NTM: variants seen among roughly 807,000 people sequenced by gnomAD.
The protein encoded by NTM is neurotrimin.
NTM carries 13 observed loss-of-function variants against 42.1 expected under a neutral mutation model. The ratio of observed to expected loss-of-function variants is 0.31; its 90% CI spans 0.20 to 0.49. The LOEUF (loss-of-function observed/expected upper bound fraction) is 0.49, where lower values mean the gene tolerates loss of function less well. NTM is among the 20% of genes least tolerant of loss of function. The probability of loss-of-function intolerance (pLI) is 0.99; values close to 1 mark genes in which losing one functional copy is unlikely to be tolerated. For synonymous variants in NTM, 187 were observed against 179.2 expected, an observed-to-expected ratio of 1.04 and a Z score of -0.35; for missense variants, 373 against 452.8, an observed-to-expected ratio of 0.82 and a Z score of 1.60.
At position 131,888,099 on chromosome 11, in the gene NTM, G is replaced by C. The variant is rs111372299; in HGVS notation, c.83-23465G>C. ...GTGGATAACCTGAAATTAGGACTTC[G>C]AGACCAGCCTGATTAATATGGTGAA... is the stretch of plus-strand genomic sequence containing the variant. On this transcript the variant is annotated intron_variant, in intron 1 of 8. Coordinates refer to ENST00000683400, the MANE Select transcript of NTM (RefSeq NM_001352005.2). Among the ~76,000 whole-genome samples the C allele has an allele frequency of 2.0e-5, 3 of 152,004 alleles. No homozygotes were observed. The South Asian group carries it at 6.2e-4, about 32-fold the overall frequency.
intron 7 of NTM, among the ~76,000 whole-genome samples, chr11:132,316,963 A>ATGAAGTTAG (rs1479472145): frequency 6.6e-6 from 1 of 152,222 alleles, no homozygotes; most frequent in Non-Finnish European, 1.5e-5. Context: ...AAACTTCTTG[A>ATGAAGTTAG]TGAAGTTAGA....
intron 2 of NTM, among the ~76,000 whole-genome samples, chr11:132,007,823 T>G (rs1401666275): frequency 6.6e-6 from 1 of 152,132 alleles, no homozygotes; most frequent in Non-Finnish European, 1.5e-5. Context: ...AAGCTTGCCT[T>G]TGTCCTGGGG....
chr11:131,715,865 T>G (rs553438956), intron 1 of NTM, among the ~76,000 whole-genome samples: 1 of 152,250 alleles, frequency 6.6e-6, no homozygotes, highest in African/African-American at 2.4e-5. Flanking sequence ...TATTCCACAG[T>G]ATGCATATAT....
At chr11:131,883,645 C>T (rs767903279) in intron 1 of NTM, among the ~76,000 whole-genome samples, 9 of 152,144 alleles carry the variant, frequency 5.9e-5, no homozygotes, top group Admixed American at 2.0e-4. Context: ...ACCCCCATAC[C>T]GTGCACATTC....
chr11:131,672,843 G>A (rs56996303), intron 1 of NTM, among the ~76,000 whole-genome samples: 1,472 of 131,222 alleles, frequency 0.011, 79 homozygotes, highest in African/African-American at 0.041. Context: ...CCACGGTGCC[G>A]GGGTGGGGGT....
At chr11:132,135,676 G>A (rs1036029251) in intron 2 of NTM, among the ~76,000 whole-genome samples, 6 of 152,214 alleles carry the variant, frequency 3.9e-5, no homozygotes, top group Non-Finnish European at 7.3e-5. Context: ...TGTGGAGGTG[G>A]GGGTGCAAAC....
At chr11:132,040,170 G>A (rs1321720107) in intron 2 of NTM, among the ~76,000 whole-genome samples, 1 of 152,042 alleles carries the variant, frequency 6.6e-6, no homozygotes, top group Non-Finnish European at 1.5e-5. Flanking sequence ...TCTGAGCTCA[G>A]GCAGAGTTCT....
At chr11:132,060,469 TGA>T (rs779619598) in intron 2 of NTM, among the ~76,000 whole-genome samples, 1 of 133,906 alleles carries the variant, frequency 7.5e-6, no homozygotes, top group Non-Finnish European at 1.8e-5. Context: ...AACATAGCAG[TGA>T]GAGAAACTGG....
Position 131,991,108 on chromosome 11 carries a change from A to G in NTM, c.167+79460A>G, listed in dbSNP as rs889141341. 2.6e-5 allele frequency among the ~76,000 whole-genome samples: 4 copies of G among 152,186 alleles called. No individual in the cohort carries two copies. The East Asian group carries it at 7.7e-4, about 29-fold the overall frequency. ...TAGTATGTACCATGGAGCAGATGCA[A>G]TGCCATTCTAACTACTGAGGAGCTT... is the stretch of plus-strand genomic sequence containing the variant. On this transcript the variant is annotated intron_variant, in intron 2 of 8. Coordinates refer to ENST00000683400, the MANE Select transcript of NTM (RefSeq NM_001352005.2).
At chr11:131,732,721 T>C (rs2658876) in intron 1 of NTM, among the ~76,000 whole-genome samples, 19,993 of 152,228 alleles carry the variant, frequency 0.13, 1,671 homozygotes, top group Middle Eastern at 0.22. Flanking sequence ...GTTTTATGTA[T>C]TCCTAGAGGG....
At chr11:131,531,195 G>A (rs2051223168) in intron 1 of NTM, among the ~76,000 whole-genome samples, 2 of 152,190 alleles carry the variant, frequency 1.3e-5, no homozygotes, top group Non-Finnish European at 2.9e-5. Flanking sequence ...AGATGCAATG[G>A]TGTGATTATG....
At chr11:132,202,179 A>G (rs1055240920) in intron 3 of NTM, among the ~76,000 whole-genome samples, 38 of 152,276 alleles carry the variant, frequency 2.5e-4, no homozygotes, top group African/African-American at 7.7e-4. Context: ...TGTGTCTGAC[A>G]TTCTCCATGA....
intron 1 of NTM, among the ~76,000 whole-genome samples, chr11:131,491,276 T>C (rs1434338443): frequency 6.6e-6 from 1 of 152,146 alleles, no homozygotes; most frequent in Non-Finnish European, 1.5e-5. Context: ...CTATAGGAAA[T>C]GGTAACATAA....
chr11:132,069,444 C>A (rs77717833), intron 2 of NTM, among the ~76,000 whole-genome samples: 7 of 109,954 alleles, frequency 6.4e-5, no homozygotes, highest in South Asian at 3.0e-4. Flanking sequence ...CGTCACACAG[C>A]CAAGTTAACA....
chr11:131,789,626 AAGAAGAAGAAAAGAAGAAG>A (rs2090442516), intron 1 of NTM, among the ~76,000 whole-genome samples: 5 of 90,056 alleles, frequency 5.6e-5, no homozygotes, highest in African/African-American at 2.3e-4. Context: ...GAAGAAGAAG[AAGAAGAAGAAAAGAAGAAG>A]AAGAAGAAGA....
intron 1 of NTM, among the ~76,000 whole-genome samples, chr11:131,648,229 G>A (rs2066017258): frequency 6.6e-6 from 1 of 152,154 alleles, no homozygotes; most frequent in Non-Finnish European, 1.5e-5. Context: ...TTGTGTGGAT[G>A]TACCATGTTT....
intron 1 of NTM, among the ~76,000 whole-genome samples, chr11:131,673,209 C>A (rs1451412551): frequency 6.6e-6 from 1 of 152,078 alleles, no homozygotes; most frequent in African/African-American, 2.4e-5. Flanking sequence ...ACCCCAGAAC[C>A]CTTGCTGTGT....
chr11:131,743,236 T>G (rs1419082980), intron 1 of NTM, among the ~76,000 whole-genome samples: 1 of 152,036 alleles, frequency 6.6e-6, no homozygotes, highest in Non-Finnish European at 1.5e-5. Context: ...TTAATGGTTT[T>G]TTTTTTTTCA....
chr11:131,651,164 T>C (rs2066430442), intron 1 of NTM, among the ~76,000 whole-genome samples: 1 of 152,224 alleles, frequency 6.6e-6, no homozygotes, highest in South Asian at 2.1e-4. Context: ...ATTAAGCTCC[T>C]CAAATATGCA....
Sources: allele counts gnomAD v4.1 joint callset (sites outside exome capture counted in the v4.1 genomes callset), GRCh38; gene constraint gnomAD v4.1.1; transcripts MANE v1.5; gene names NCBI Gene and HGNC (gene_info 2026-07-23, HGNC 2026-07-21).